The following FABP12 variants were observed in gnomAD, a reference collection of about 807,000 sequenced individuals.
FABP12 encodes the protein fatty acid-binding protein 12.
In FABP12, 19 loss-of-function variants were observed where a neutral mutation model predicts 13.7. The ratio of observed to expected loss-of-function variants is 1.39; its 90% confidence interval spans 0.97 to 2.04. The LOEUF is 2.04. Among genes scored for constraint, FABP12 ranks in the 30% most tolerant of loss-of-function variants. FABP12 has a pLI of 0.00. For missense variants in FABP12, 182 were observed against 164.2 expected, an observed-to-expected ratio of 1.11 and a Z score of -0.59; for synonymous variants, 61 against 57.0, an observed-to-expected ratio of 1.07 and a Z score of -0.32.
At chr8:81,549,621 C>A (rs1012111136) in intron 1 of FABP12, among the ~76,000 whole-genome samples, 2 of 152,082 alleles carry the variant, frequency 1.3e-5, no homozygotes, top group South Asian at 4.1e-4. Flanking sequence ...ACTAAGGAAC[C>A]ACTAAGATAT....
intron 1 of FABP12, among the ~76,000 whole-genome samples, chr8:81,586,147 A>G (rs1810234575): frequency 6.6e-6 from 1 of 152,120 alleles, no homozygotes; most frequent in Non-Finnish European, 1.5e-5. Context: ...CTCCAGCTCT[A>G]TTCATTTTGC....
chr8:81,555,353 A>T (rs1809594214), intron 1 of FABP12, among the ~76,000 whole-genome samples: 1 of 152,252 alleles, frequency 6.6e-6, no homozygotes, highest in African/African-American at 2.4e-5. Context: ...TAAGATTTCA[A>T]CATTTATCCT....
At chr8:81,548,042 T>C (rs1481923032) in intron 1 of FABP12, among the ~76,000 whole-genome samples, 3 of 152,192 alleles carry the variant, frequency 2.0e-5, no homozygotes, top group Non-Finnish European at 4.4e-5. Flanking sequence ...TATACCATGA[T>C]ACCAAAAGGA....
At chr8:81,573,959 G>C (rs113687992) in intron 1 of FABP12, among the ~76,000 whole-genome samples, 4,002 of 152,168 alleles carry the variant, frequency 0.026, 170 homozygotes, top group African/African-American at 0.092. Context: ...TCTCTTATCT[G>C]ATTGCTCTGG....
At chr8:81,573,717 T>C (rs760085577) in intron 1 of FABP12, among the ~76,000 whole-genome samples, 4 of 152,152 alleles carry the variant, frequency 2.6e-5, no homozygotes, top group Non-Finnish European at 5.9e-5. Flanking sequence ...TTGCAGTTAT[T>C]GTAAAAGGGG....
intron 1 of FABP12, among the ~76,000 whole-genome samples, chr8:81,586,064 A>G (rs1182393238): frequency 6.6e-6 from 1 of 152,152 alleles, no homozygotes; most frequent in East Asian, 1.9e-4. Flanking sequence ...CTCAATGTTT[A>G]GCTCACATTT....
chr8:81,532,232 T>G (rs945997872), intron 1 of FABP12, among the ~76,000 whole-genome samples: 2 of 152,202 alleles, frequency 1.3e-5, no homozygotes, highest in Non-Finnish European at 2.9e-5. Context: ...CCCTTATACA[T>G]TCCATCAGCC....
intron 3 of FABP12, among the ~76,000 whole-genome samples, chr8:81,527,981 C>T (rs1250646047): frequency 1.3e-5 from 2 of 152,028 alleles, no homozygotes; most frequent in Middle Eastern, 3.2e-3. Flanking sequence ...AATAATAATA[C>T]ATGTGAAACT....
At chr8:81,549,441 C>T (rs1358756986) in intron 1 of FABP12, among the ~76,000 whole-genome samples, 1 of 152,136 alleles carries the variant, frequency 6.6e-6, no homozygotes, top group Admixed American at 6.6e-5. Flanking sequence ...CAGATGTTGC[C>T]TTCGCCACTC....
chr8:81,571,840 C>T (rs976127235), intron 1 of FABP12, among the ~76,000 whole-genome samples: 1 of 152,166 alleles, frequency 6.6e-6, no homozygotes, highest in Non-Finnish European at 1.5e-5. Flanking sequence ...TGTGAAATAA[C>T]CCAAATTGAA....
upstream of FABP12, among the ~76,000 whole-genome samples, chr8:81,534,006 CT>C (rs764966693): frequency 1.2e-4 from 18 of 152,226 alleles, no homozygotes; most frequent in African/African-American, 2.2e-4. Context: ...ATTAGGCACT[CT>C]GTTTTAATAG....
intron 1 of FABP12, among the ~76,000 whole-genome samples, chr8:81,547,407 G>A (rs1213068271): frequency 6.6e-6 from 1 of 152,150 alleles, no homozygotes; most frequent in Non-Finnish European, 1.5e-5. Flanking sequence ...TTGCAAGTAA[G>A]GTTTGGGACC....
intron 1 of FABP12, among the ~76,000 whole-genome samples, chr8:81,578,935 TCTC>T (rs1416591230): frequency 2.0e-5 from 3 of 148,408 alleles, no homozygotes; most frequent in Non-Finnish European, 4.5e-5. Flanking sequence ...TTCACGCCAT[TCTC>T]CTGCCTCAGC....
intron 1 of FABP12, among the ~76,000 whole-genome samples, chr8:81,550,257 A>G (rs932544162): frequency 3.3e-5 from 5 of 152,198 alleles, no homozygotes; most frequent in African/African-American, 1.2e-4. Context: ...TTCTCATTAG[A>G]GTCTTATAAT....
intron 1 of FABP12, among the ~76,000 whole-genome samples, chr8:81,580,175 A>G (rs941158848): frequency 6.6e-6 from 1 of 152,208 alleles, no homozygotes; most frequent in East Asian, 1.9e-4. Flanking sequence ...CCTTTTAAAC[A>G]TATCTTTCCA....
At chr8:81,554,286 G>A (rs747379244) in intron 1 of FABP12, among the ~76,000 whole-genome samples, 3 of 152,090 alleles carry the variant, frequency 2.0e-5, no homozygotes, top group Non-Finnish European at 2.9e-5. Flanking sequence ...AGCCACATTG[G>A]AAGGCCTACT....
At chr8:81,558,785 G>T (rs958483235) in intron 1 of FABP12, among the ~76,000 whole-genome samples, 2 of 151,422 alleles carry the variant, frequency 1.3e-5, no homozygotes, top group Non-Finnish European at 2.9e-5. Flanking sequence ...AGCTACTTAG[G>T]AGGCTGAGGC....
In FABP12 at chr8:81,529,540, AT is replaced by A; in HGVS notation, c.143del (p.Asp48ValfsTer5). 6.2e-7 allele frequency: 1 copy of A among 1,613,922 alleles called. No homozygotes were observed. Among genetic ancestry groups the A allele is most frequent in the East Asian group, 2.2e-5 (1 of 44,888 alleles). On this transcript the variant is annotated frameshift_variant, in exon 3 of 5. Transcript: ENST00000360464. LOFTEE classifies it high-confidence loss of function. ...TGCTTTTGGTTTTTATTGTGATGACATCTCCATCTGTACTGATGGTCACAGT... is the reference window on the plus strand; with the variant it reads ...TGCTTTTGGTTTTTATTGTGATGACACTCCATCTGTACTGATGGTCACAGT...
At position 81,586,650 on chromosome 8, in the gene FABP12, A is replaced by C. The variant is rs567245547; in HGVS notation, c.-185+3403T>G. On this transcript the variant is annotated intron_variant, in intron 1 of 5. Transcript: ENST00000692030. Reference sequence around the variant, plus strand: ...CCCACCTGTATGTCTTCTTTTGAGAAGTGTCTGTTCATGTCCTTTGCCCAC... The same window carrying C: ...CCCACCTGTATGTCTTCTTTTGAGACGTGTCTGTTCATGTCCTTTGCCCAC... 7.4e-4 allele frequency among the ~76,000 whole-genome samples: 113 copies of C among 152,204 alleles called. 2 individuals are homozygous for C. The highest frequency in any genetic ancestry group is 3.4e-3 in the Middle Eastern group (1 of 294).
Sources: allele counts gnomAD v4.1 joint callset (sites outside exome capture counted in the v4.1 genomes callset), GRCh38; gene constraint gnomAD v4.1.1; transcripts MANE v1.5; gene names NCBI Gene and HGNC (gene_info 2026-07-23, HGNC 2026-07-21).